Variants in CGNL1 observed in about 807,000 individuals in gnomAD.
The protein encoded by CGNL1 is cingulin-like protein 1.
Under a neutral mutation model 141.2 loss-of-function variants are expected in CGNL1, and 132 were observed. The observed-to-expected ratio is 0.93, with a 90% CI of 0.81 to 1.08. The LOEUF (loss-of-function observed/expected upper bound fraction) is 1.08, where lower values mean the gene tolerates loss of function less well. CGNL1 is among the 50% of genes least tolerant of loss of function. The pLI, the probability that CGNL1 is intolerant of heterozygous loss-of-function variation, is 0.00. For synonymous variants in CGNL1, 690 were observed against 622.1 expected (o/e 1.11, Z -1.63); for missense variants, 1,870 against 1,588.6 (o/e 1.18, Z -3.01).
chr15:57,473,014 G>A (rs1008671048), intron 8 of CGNL1, among the ~76,000 whole-genome samples: 6 of 152,182 alleles, frequency 3.9e-5, no homozygotes, highest in Non-Finnish European at 8.8e-5. Flanking sequence ...ACTGCCCAGA[G>A]TCTGGAAGTG....
intron 1 of CGNL1, among the ~76,000 whole-genome samples, chr15:57,405,494 G>T (rs1275537666): frequency 2.6e-5 from 4 of 152,168 alleles, no homozygotes; most frequent in Non-Finnish European, 5.9e-5. Flanking sequence ...TACTGTCTAG[G>T]TTCCTGAATT....
intron 1 of CGNL1, among the ~76,000 whole-genome samples, chr15:57,419,630 T>G (rs1248578162): frequency 6.6e-6 from 1 of 152,208 alleles, no homozygotes; most frequent in Non-Finnish European, 1.5e-5. Context: ...GGAAGTCCCA[T>G]TATGGGGCTT....
intron 7 of CGNL1, among the ~76,000 whole-genome samples, chr15:57,457,916 CT>C (rs2063399000): frequency 6.6e-6 from 1 of 152,088 alleles, no homozygotes; most frequent in Non-Finnish European, 1.5e-5. Flanking sequence ...TCTCAGCCTT[CT>C]TGAGTATGTG....
chr15:57,412,526 G>T (rs2062801210), intron 1 of CGNL1, among the ~76,000 whole-genome samples: 1 of 152,180 alleles, frequency 6.6e-6, no homozygotes, highest in Non-Finnish European at 1.5e-5. Flanking sequence ...CCTGGCTGAT[G>T]CGGGACTCCT....
At chr15:57,479,758 G>A (rs2063702681) in intron 8 of CGNL1, among the ~76,000 whole-genome samples, 1 of 152,160 alleles carries the variant, frequency 6.6e-6, no homozygotes, top group Admixed American at 6.5e-5. Context: ...AGAGCAGTTT[G>A]AAGTATGATG....
chr15:57,431,484 C>G (rs1167135923), intron 1 of CGNL1, among the ~76,000 whole-genome samples: 2 of 152,182 alleles, frequency 1.3e-5, no homozygotes, highest in Non-Finnish European at 2.9e-5. Flanking sequence ...ATGTGTTTTG[C>G]TAATCTTGGC....
chr15:57,506,561 T>G (rs2064105878), intron 8 of CGNL1, among the ~76,000 whole-genome samples: 1 of 152,208 alleles, frequency 6.6e-6, no homozygotes, highest in African/African-American at 2.4e-5. Flanking sequence ...TGGATGTAGC[T>G]GAAGCCCCCA....
At chr15:57,443,969 A>G (rs2063221747) in intron 4 of CGNL1, among the ~76,000 whole-genome samples, 1 of 152,214 alleles carries the variant, frequency 6.6e-6, no homozygotes, top group African/African-American at 2.4e-5. Context: ...TATAACTTAT[A>G]TAAAGTAAAT....
intron 1 of CGNL1, among the ~76,000 whole-genome samples, chr15:57,428,640 G>C (rs1425955510): frequency 1.3e-5 from 2 of 152,182 alleles, no homozygotes; most frequent in East Asian, 1.9e-4. Flanking sequence ...CCTCCAGTAG[G>C]TGAGCCTCGA....
chr15:57,507,661 G>A (rs977777400), intron 8 of CGNL1, among the ~76,000 whole-genome samples: 1 of 152,222 alleles, frequency 6.6e-6, no homozygotes, highest in Non-Finnish European at 1.5e-5. Context: ...AAGTACGGCA[G>A]GTTAATGACC....
rs777379043 is a variant in CGNL1 at position 57,438,981 on chromosome 15, C to G, written c.982C>G (p.Arg328Gly). ...ECAIHADNVN[R>G]HENRRYIPFL... ...TGCCATCCATGCCGACAACGTCAATCGTCATGAAAACAGAAGGTATATTCC... is the reference window on the plus strand; with the variant it reads ...TGCCATCCATGCCGACAACGTCAATGGTCATGAAAACAGAAGGTATATTCC... The change falls in exon 2 of 19, where the codon CGT (arginine) becomes GGT (glycine). Residue 328 changes from arginine to glycine, a missense_variant. Transcript: ENST00000281282. 1 of 1,614,058 alleles carries G rather than the reference C, an allele frequency of 6.2e-7. No homozygotes were observed. The highest frequency in any genetic ancestry group is 1.3e-5 in the African/African-American group (1 of 74,910).
intron 10 of CGNL1, among the ~76,000 whole-genome samples, chr15:57,520,214 GC>G (rs1338154909): frequency 6.6e-6 from 1 of 152,152 alleles, no homozygotes; most frequent in Non-Finnish European, 1.5e-5. Flanking sequence ...TAAAAATAAT[GC>G]CATGAAAAAA....
chr15:57,401,146 T>C (rs906574438), intron 1 of CGNL1, among the ~76,000 whole-genome samples: 2 of 152,178 alleles, frequency 1.3e-5, no homozygotes, highest in Middle Eastern at 3.2e-3. Flanking sequence ...TATATAAATT[T>C]TTGTTGGTTG....
chr15:57,386,198 C>A (rs1193679633), intron 1 of CGNL1, among the ~76,000 whole-genome samples: 1 of 152,210 alleles, frequency 6.6e-6, no homozygotes, highest in East Asian at 1.9e-4. Flanking sequence ...ACCACTTAGC[C>A]TGTGGGGTGG....
chr15:57,496,336 C>G (rs1198508910), intron 8 of CGNL1, among the ~76,000 whole-genome samples: 2 of 152,096 alleles, frequency 1.3e-5, no homozygotes, highest in African/African-American at 4.8e-5. Context: ...CTAGGGGTCC[C>G]CAGCCCTCAG....
intron 8 of CGNL1, among the ~76,000 whole-genome samples, chr15:57,481,469 TC>T (rs2063725538): frequency 6.6e-6 from 1 of 152,222 alleles, no homozygotes; most frequent in Admixed American, 6.5e-5. Context: ...CTTTTTTCTC[TC>T]AGCATTGTTC....
intron 8 of CGNL1, among the ~76,000 whole-genome samples, chr15:57,468,068 G>A (rs185957081): frequency 2.6e-5 from 4 of 152,162 alleles, no homozygotes; most frequent in Admixed American, 6.5e-5. Flanking sequence ...CCACTTTGTT[G>A]GGGGAAGTCA....
rs180784573 is a variant in CGNL1 at position 57,436,373 on chromosome 15, G to A, written c.-15-1612G>A. On this transcript the variant is annotated intron_variant, in intron 1 of 18. Coordinates refer to ENST00000281282, the MANE Select transcript of CGNL1 (RefSeq NM_032866.5). ...TGAGTCACTTGGCCTAAGCTTTTGG[G>A]CTATGTGATGCTGGATCAGCTATCT... Among the ~76,000 whole-genome samples the A allele has an allele frequency of 8.3e-4, 126 of 152,288 alleles. 1 individual carries two copies. The highest frequency in any genetic ancestry group is 8.8e-5 in the Non-Finnish European group (6 of 68,024).
chr15:57,470,741 T>C (rs1326329664), intron 8 of CGNL1, among the ~76,000 whole-genome samples: 1 of 152,164 alleles, frequency 6.6e-6, no homozygotes, highest in Non-Finnish European at 1.5e-5. Context: ...TTTGAGGATC[T>C]TATGTGGTCT....
Sources: allele counts gnomAD v4.1 joint callset (sites outside exome capture counted in the v4.1 genomes callset), GRCh38; gene constraint gnomAD v4.1.1; transcripts MANE v1.5; gene names NCBI Gene and HGNC (gene_info 2026-07-23, HGNC 2026-07-21).